The following GNL3L variants were observed in gnomAD, a reference collection of about 807,000 sequenced individuals.
The protein encoded by GNL3L is guanine nucleotide-binding protein-like 3-like protein.
In GNL3L, 4 loss-of-function variants were observed where a neutral mutation model predicts 42.9. That is an observed-to-expected ratio of 0.09 (90% CI 0.05 to 0.21). GNL3L has a LOEUF of 0.21. Ranked by LOEUF, GNL3L falls within the 10% of genes least tolerant of loss-of-function variation. The probability of loss-of-function intolerance (pLI) is 1.00; values close to 1 mark genes in which losing one functional copy is unlikely to be tolerated. For missense variants in GNL3L, 412 were observed against 481.7 expected (o/e 0.86, Z 1.36); for synonymous variants, 159 against 176.3 (o/e 0.90, Z 0.78).
intron 16 of GNL3L, among the ~76,000 whole-genome samples, chrX:54,578,671 A>G (rs959325354): frequency 1.8e-5 from 2 of 112,588 alleles, no homozygotes; most frequent in African/African-American, 3.2e-5. Context: ...ACTAGAGTTC[A>G]TTAGTCAATT....
In GNL3L at chrX:54,554,767, G is replaced by A. The variant is rs540001212; in HGVS notation, c.1446+75G>A. The A allele has an allele frequency of 4.6e-4, 444 of 956,833 alleles. 3 individuals are homozygous for A. The South Asian group carries it at 8.8e-3, about 19-fold the overall frequency. The allele number at this position is 956,833 out of a possible 1,213,427, so 78.9% of individuals were successfully genotyped here. On this transcript the variant is annotated intron_variant, in intron 14 of 15. Coordinates refer to ENST00000360845, the MANE Select transcript of GNL3L (RefSeq NM_001184819.2). ...GGGAAGTGGTCAATCCCTTTTACCT[G>A]CCTTTCATGTGGTGAGATGTGGGTA...
At chrX:54,627,066 T>G in the GNL3L span, among the ~76,000 whole-genome samples, 1 of 110,929 alleles carries the variant, frequency 9.0e-6, no homozygotes, top group Non-Finnish European at 1.9e-5. Flanking sequence ...TGGAGTGCAG[T>G]GGCATGATCT....
chrX:54,583,651 AT>A (rs200345600), intron 16 of GNL3L, among the ~76,000 whole-genome samples: 8,439 of 107,650 alleles, frequency 0.078, 713 homozygotes, highest in African/African-American at 0.24. Flanking sequence ...TTATATAATA[AT>A]TTTTTTTTTG....
chrX:54,618,049 G>A (rs996853317), intron 16 of GNL3L, among the ~76,000 whole-genome samples: 2 of 109,773 alleles, frequency 1.8e-5, no homozygotes, highest in East Asian at 5.7e-4. Context: ...TTAGCTCTCA[G>A]TTAAAAAAAA....
intron 9 of GNL3L, among the ~76,000 whole-genome samples, chrX:54,550,667 G>A (rs1003540873): frequency 8.9e-6 from 1 of 111,832 alleles, no homozygotes; most frequent in Admixed American, 9.5e-5. Context: ...CTGTTGGATT[G>A]TGCCACTGAG....
chrX:54,634,783 G>C, the GNL3L span, among the ~76,000 whole-genome samples: 1 of 94,244 alleles, frequency 1.1e-5, no homozygotes, highest in Admixed American at 1.2e-4. Flanking sequence ...CACTGCGCCC[G>C]GCTCTTTTTT....
intron 8 of GNL3L, 132 bp downstream of exon 8, chrX:54,544,458 T>C: frequency 2.5e-6 from 1 of 400,806 alleles, no homozygotes; most frequent in Non-Finnish European, 4.4e-6. Flanking sequence ...AGCTTTTTGC[T>C]CCACCGAGTG....
the GNL3L span, among the ~76,000 whole-genome samples, chrX:54,627,959 T>C: frequency 9.0e-6 from 1 of 110,863 alleles, no homozygotes; most frequent in Non-Finnish European, 1.9e-5. Context: ...ACCCGAGCAG[T>C]GTACACTGTA....
intron 16 of GNL3L, among the ~76,000 whole-genome samples, chrX:54,614,742 C>T (rs968973442): frequency 3.6e-5 from 4 of 111,583 alleles, no homozygotes; most frequent in Non-Finnish European, 5.6e-5. Context: ...TTCCCATTTC[C>T]GCTGTTCGGG....
chrX:54,607,042 TTCTTTC>T (rs752402578), intron 16 of GNL3L, among the ~76,000 whole-genome samples: 10 of 69,958 alleles, frequency 1.4e-4, no homozygotes, highest in Non-Finnish European at 1.9e-4. Context: ...CTTTCTTTCT[TTCTTTC>T]TTTCTTTCTT....
At chrX:54,592,131 G>T (rs1242367902) in intron 16 of GNL3L, among the ~76,000 whole-genome samples, 1 of 111,584 alleles carries the variant, frequency 9.0e-6, no homozygotes, top group African/African-American at 3.3e-5. Context: ...TTGTCATATA[G>T]AAATGCTACT....
the GNL3L span, among the ~76,000 whole-genome samples, chrX:54,630,662 TTTCC>T: frequency 2.4e-4 from 13 of 53,374 alleles, no homozygotes; most frequent in East Asian, 6.2e-4. Flanking sequence ...TTTCTCCTTC[TTTCC>T]TTCCTTCCTT....
At chrX:54,635,644 C>A in the GNL3L span, among the ~76,000 whole-genome samples, 9 of 109,489 alleles carry the variant, frequency 8.2e-5, no homozygotes, top group South Asian at 3.5e-3. Context: ...TTAGGAAGAC[C>A]GTTTTTTTGT....
chrX:54,552,075 G>T, intron 12 of GNL3L, 101 bp downstream of exon 12: 1 of 1,007,997 alleles, frequency 9.9e-7, no homozygotes, highest in Non-Finnish European at 1.4e-6. Flanking sequence ...TGACTTCCTG[G>T]GTCTTGGGGC....
intron 16 of GNL3L, among the ~76,000 whole-genome samples, chrX:54,611,460 A>T (rs5961103): frequency 0.13 from 14,251 of 110,708 alleles, 1,423 homozygotes; most frequent in African/African-American, 0.34. Flanking sequence ...TTTGTGCTCT[A>T]TCAGTCTTTT....
At chrX:54,581,791 G>A (rs977150710) in intron 16 of GNL3L, among the ~76,000 whole-genome samples, 2 of 111,784 alleles carry the variant, frequency 1.8e-5, no homozygotes, top group African/African-American at 3.2e-5. Context: ...AGATGTACAA[G>A]TTAGCTTAAC....
chrX:54,625,392 CAA>C (rs1926348342), downstream of GNL3L, among the ~76,000 whole-genome samples: 1 of 108,678 alleles, frequency 9.2e-6, no homozygotes, highest in African/African-American at 3.3e-5. Flanking sequence ...TGGATTTTGT[CAA>C]AGAGCTTTTC....
intron 8 of GNL3L, among the ~76,000 whole-genome samples, chrX:54,545,082 A>C (rs1438580753): frequency 9.0e-6 from 1 of 110,678 alleles, no homozygotes; most frequent in African/African-American, 3.3e-5. Context: ...TGCCTGGCTA[A>C]TTTTTGTATT....
rs199766820 is a variant in GNL3L at position 54,545,702 on chromosome X, AC to A, written c.630+1377del. Among the ~76,000 whole-genome samples, 1,099 of 111,835 alleles carry A rather than the reference AC, an allele frequency of 9.8e-3. 54 individuals carry two copies. The highest frequency in any genetic ancestry group is 0.092 in the Admixed American group (962 of 10,424). On this transcript the variant is annotated intron_variant, in intron 8 of 15. Transcript: ENST00000360845. Reference sequence around the variant, plus strand: ...TTTTCAATTTTGCATTGGATGTTAAACTTATTTAAAAATAAAGTAGAAAAAA... The same window carrying A: ...TTTTCAATTTTGCATTGGATGTTAAATTATTTAAAAATAAAGTAGAAAAAA...
Sources: gnomAD v4.1 joint callset for allele counts (sites outside exome capture counted in the v4.1 genomes callset) on GRCh38, gnomAD v4.1.1 for gene constraint, MANE v1.5 for transcripts, NCBI Gene and HGNC (gene_info 2026-07-23, HGNC 2026-07-21) for gene names.